GLCE: variants seen among roughly 807,000 people sequenced by gnomAD.
GLCE encodes the protein glucuronic acid epimerase.
Under a neutral mutation model 47.9 loss-of-function variants are expected in GLCE, and 19 were observed. The ratio of observed to expected loss-of-function variants is 0.40; its 90% CI spans 0.28 to 0.58. The LOEUF (loss-of-function observed/expected upper bound fraction) is 0.58. GLCE is among the 20% of genes least tolerant of loss of function. The pLI is 0.48. For missense variants in GLCE, 556 were observed against 743.3 expected, an observed-to-expected ratio of 0.75 and a Z score of 2.93; for synonymous variants, 245 against 263.4, an observed-to-expected ratio of 0.93 and a Z score of 0.68.
intron 1 of GLCE, among the ~76,000 whole-genome samples, chr15:69,206,379 GTATTA>G (rs1451817508): frequency 1.3e-5 from 2 of 151,828 alleles, no homozygotes; most frequent in African/African-American, 4.8e-5. Context: ...TTGTCTTTTT[GTATTA>G]TATTCTTTAG....
chr15:69,162,215 T>C (rs1186568202), intron 1 of GLCE, among the ~76,000 whole-genome samples: 1 of 152,214 alleles, frequency 6.6e-6, no homozygotes, highest in African/African-American at 2.4e-5. Flanking sequence ...TTTCATTGTA[T>C]TGTAAAAGTG....
chr15:69,165,104 CAT>C (rs1276396518), intron 1 of GLCE, among the ~76,000 whole-genome samples: 6 of 152,168 alleles, frequency 3.9e-5, no homozygotes, highest in African/African-American at 1.4e-4. Context: ...TTCAGGGGCA[CAT>C]GTGCAGAATG....
chr15:69,180,266 A>C (rs1370049950), intron 1 of GLCE, among the ~76,000 whole-genome samples: 1 of 152,190 alleles, frequency 6.6e-6, no homozygotes, highest in Non-Finnish European at 1.5e-5. Flanking sequence ...CTATGATTTT[A>C]TTCATTTATC....
At chr15:69,183,298 A>G (rs1566949416) in intron 1 of GLCE, among the ~76,000 whole-genome samples, 1 of 152,222 alleles carries the variant, frequency 6.6e-6, no homozygotes, top group African/African-American at 2.4e-5. Flanking sequence ...TAACTGCAGT[A>G]AAGAACGGCT....
intron 1 of GLCE, among the ~76,000 whole-genome samples, chr15:69,177,383 G>A (rs114395712): frequency 0.011 from 1,749 of 152,114 alleles, 27 homozygotes; most frequent in African/African-American, 0.038. Context: ...TCTTTATGAT[G>A]AATATAAAAG....
rs549066925 is a variant in GLCE at position 69,174,928 on chromosome 15, A to G, written c.-105+14171A>G. ...TTTTCTAACAGTTTGGTAATCTATTAGTACTATATCCTATACTGTTACTAA... is the reference window on the plus strand; with the variant it reads ...TTTTCTAACAGTTTGGTAATCTATTGGTACTATATCCTATACTGTTACTAA... On this transcript the variant is annotated intron_variant, in intron 1 of 4. Transcript: ENST00000261858. Among the ~76,000 whole-genome samples the G allele has an allele frequency of 2.0e-5, 3 of 152,262 alleles. No homozygotes were observed. In the South Asian group the frequency reaches 6.2e-4, roughly 32 times the overall value.
chr15:69,182,978 G>A (rs1234156471), intron 1 of GLCE, among the ~76,000 whole-genome samples: 3 of 152,208 alleles, frequency 2.0e-5, no homozygotes, highest in East Asian at 1.9e-4. Context: ...CAGCCTGGGC[G>A]ACAGGGTGAG....
intron 2 of GLCE, among the ~76,000 whole-genome samples, chr15:69,214,794 A>G (rs1338011166): frequency 6.6e-6 from 1 of 152,124 alleles, no homozygotes; most frequent in Non-Finnish European, 1.5e-5. Context: ...CTCATTCTCT[A>G]CACTATATTT....
At chr15:69,193,568 T>G (rs1276470595) in intron 1 of GLCE, among the ~76,000 whole-genome samples, 1 of 152,058 alleles carries the variant, frequency 6.6e-6, no homozygotes, top group African/African-American at 2.4e-5. Context: ...CAGATTTTGT[T>G]TCAAATTTTT....
intron 1 of GLCE, among the ~76,000 whole-genome samples, chr15:69,199,646 C>T (rs906329780): frequency 2.6e-5 from 4 of 152,184 alleles, no homozygotes; most frequent in Admixed American, 1.3e-4. Flanking sequence ...TACCCAGTGA[C>T]GTACCCAAGC....
At chr15:69,231,774 C>T (rs1382273109) in intron 2 of GLCE, among the ~76,000 whole-genome samples, 1 of 151,940 alleles carries the variant, frequency 6.6e-6, no homozygotes, top group African/African-American at 2.4e-5. Flanking sequence ...ATTCAGATAT[C>T]TATCTATCTT....
chr15:69,241,798 A>G (rs978460867), intron 2 of GLCE, among the ~76,000 whole-genome samples: 4 of 152,208 alleles, frequency 2.6e-5, no homozygotes, highest in African/African-American at 9.6e-5. Flanking sequence ...TGTTTGAACA[A>G]ACCTTCTAGG....
chr15:69,261,654 A>G (rs2053017017), intron 4 of GLCE, among the ~76,000 whole-genome samples: 1 of 152,186 alleles, frequency 6.6e-6, no homozygotes, highest in Non-Finnish European at 1.5e-5. Context: ...TCAGTACAGT[A>G]TAGTTTAATT....
chr15:69,221,862 C>CAAAA (rs35986310), intron 2 of GLCE, among the ~76,000 whole-genome samples: 3 of 87,446 alleles, frequency 3.4e-5, no homozygotes, highest in African/African-American at 1.2e-4. Flanking sequence ...GACGCTGTCT[C>CAAAA]AAAAAAAAAA....
intron 2 of GLCE, among the ~76,000 whole-genome samples, chr15:69,227,882 T>C (rs1483806159): frequency 6.6e-6 from 1 of 152,222 alleles, no homozygotes; most frequent in Non-Finnish European, 1.5e-5. Context: ...AGGTAAACAA[T>C]GATATGTAAG....
intron 1 of GLCE, among the ~76,000 whole-genome samples, chr15:69,169,770 C>T (rs2051561979): frequency 1.3e-5 from 2 of 152,258 alleles, no homozygotes; most frequent in East Asian, 3.9e-4. Context: ...GTATGTGCCA[C>T]ATTTTCTTAA....
intron 1 of GLCE, chr15:69,197,041 CA>C: frequency 3.1e-6 from 1 of 323,888 alleles, no homozygotes. Context: ...TGAGTTCCAG[CA>C]AAACCATTAC....
chr15:69,205,202 T>C (rs2052133703), intron 1 of GLCE, among the ~76,000 whole-genome samples: 1 of 151,964 alleles, frequency 6.6e-6, no homozygotes, highest in Admixed American at 6.6e-5. Flanking sequence ...CCATTTTACT[T>C]TTGTCTTTTC....
At chr15:69,239,041 G>A (rs2052630516) in intron 2 of GLCE, among the ~76,000 whole-genome samples, 1 of 152,178 alleles carries the variant, frequency 6.6e-6, no homozygotes, top group Non-Finnish European at 1.5e-5. Context: ...GTATGACAGA[G>A]ACTGTGGGTT....
Sources: allele counts gnomAD v4.1 joint callset (sites outside exome capture counted in the v4.1 genomes callset), GRCh38; gene constraint gnomAD v4.1.1; transcripts MANE v1.5; gene names NCBI Gene and HGNC (gene_info 2026-07-23, HGNC 2026-07-21).